SLC24A5: variants seen among roughly 807,000 people sequenced by gnomAD.
SLC24A5 encodes the protein sodium/potassium/calcium exchanger 5.
A neutral mutation model predicts 51.6 loss-of-function variants in SLC24A5; 46 were observed. That is an observed-to-expected ratio of 0.89 (90% CI 0.70 to 1.14). The LOEUF is 1.14. SLC24A5 is among the 50% of genes most tolerant of loss of function. The pLI is 0.00. For missense variants in SLC24A5, 581 were observed against 604.1 expected, an observed-to-expected ratio of 0.96 and a Z score of 0.40; for synonymous variants, 230 against 214.9, an observed-to-expected ratio of 1.07 and a Z score of -0.62.
intron 2 of SLC24A5, among the ~76,000 whole-genome samples, chr15:48,130,675 G>A (rs1414474501): frequency 6.6e-6 from 1 of 151,836 alleles, no homozygotes; most frequent in Non-Finnish European, 1.5e-5. Context: ...TTTTGATTTG[G>A]GAAGACAATT....
At position 48,139,052 on chromosome 15, in the gene SLC24A5, T is replaced by C; in HGVS notation, c.955T>C (p.Phe319Leu). The C allele has an allele frequency of 6.2e-7, 1 of 1,613,164 alleles. No individual in the cohort carries two copies. Among genetic ancestry groups the C allele is most frequent in the East Asian group, 2.2e-5 (1 of 44,766 alleles). ...VLSLPIITLL[F>L]LTTPDCRKKF... ...ATCCCTTCCTATTATTACATTACTT[T>C]TTCTAACCACACCAGATTGTAGAAA... Residue 319 changes from phenylalanine to leucine, a missense_variant, in exon 7 of 9, where the codon TTT (phenylalanine) becomes CTT (leucine). Physicochemically the swap from Phe to Leu is conservative, Grantham distance 22. Transcript: ENST00000341459.
rs2038859386 is a variant in SLC24A5 at position 48,134,933 on chromosome 15, C to T, written c.539C>T (p.Thr180Ile). ...CTATTCAGAGACTGTGCAGCGTACA[C>T]AATTAGTGCAGCAGCAGTTCTTGGT... ...WPLFRDCAAY[T>I]ISAAAVLGII... Residue 180 changes from threonine (T) to isoleucine (I), a missense_variant, in exon 5 of 9, where the codon ACA becomes ATA. Thr to Ile is a moderately conservative substitution (Grantham distance 89). Transcript: ENST00000341459. 1.2e-6 allele frequency: 2 copies of T among 1,612,510 alleles called. No individual in the cohort carries two copies. Among genetic ancestry groups the T allele is most frequent in the Middle Eastern group, 1.7e-4 (1 of 6,056 alleles).
intron 5 of SLC24A5, 78 bp from the exon 6 acceptor site, chr15:48,136,605 A>G: frequency 2.3e-6 from 3 of 1,320,778 alleles, no homozygotes; most frequent in Non-Finnish European, 3.1e-6. Context: ...AAAATCATTC[A>G]ATAGATACTG....
chr15:48,128,387 G>A (rs564285035), intron 2 of SLC24A5, among the ~76,000 whole-genome samples: 3 of 152,196 alleles, frequency 2.0e-5, no homozygotes, highest in African/African-American at 7.2e-5. Context: ...AGGTTTGGGG[G>A]AAATATACTT....
intron 6 of SLC24A5, chr15:48,137,703 C>T (rs2038936295): frequency 6.6e-6 from 1 of 151,980 alleles, no homozygotes; most frequent in Non-Finnish European, 1.5e-5. Flanking sequence ...GAAAAAGGAA[C>T]AAAGACACCT....
Position 48,142,150 on chromosome 15 carries a change from C to T in SLC24A5, c.1302C>T (p.Asn434=). 2.5e-6 allele frequency: 4 copies of T among 1,613,850 alleles called. No homozygotes were observed. The African/African-American group carries it at 4.0e-5, about 16-fold the overall frequency. The change falls in exon 9 of 9, where the codon AAC becomes AAT. Residue 434 remains asparagine (N), a synonymous_variant. Transcript: ENST00000341459. The stretch of plus-strand genomic sequence containing the variant: ...ATGGATCAGCTCCTGCAGAAGTAAA[C>T]AGCAGAGGACTAACTTACATAACCA... ...FINGSAPAEV[N]SRGLTYITIS... is the part of the protein sequence containing the mutation.
chr15:48,121,163 C>A lies in SLC24A5; in HGVS notation c.119C>A (p.Thr40Lys). ...TSLPQRLPRA[T>K]GNSTQCVISP... is the part of the protein sequence containing the mutation. ...CTGCCCCAACGTCTCCCAAGGGCCA[C>A]AGGTAGGTGGACATTGGGGTCAGTT... Residue 40 changes from threonine (T) to lysine (K), a missense_variant and splice_region_variant, in exon 1 of 9, where the codon ACA becomes AAA. Thr to Lys is a moderately conservative substitution (Grantham distance 78, BLOSUM62 -1). Transcript: ENST00000341459. 1 of 1,611,806 alleles carries A rather than the reference C, an allele frequency of 6.2e-7. No homozygotes were observed. Among genetic ancestry groups the A allele is most frequent in the South Asian group, 1.1e-5 (1 of 90,758 alleles).
chr15:48,131,134 C>G (rs879356531), intron 2 of SLC24A5, among the ~76,000 whole-genome samples: 1 of 151,968 alleles, frequency 6.6e-6, no homozygotes, highest in South Asian at 2.1e-4. Context: ...AAATGAAAAA[C>G]AGTTAATTAC....
Position 48,121,102 on chromosome 15 carries a change from T to G in SLC24A5, c.58T>G (p.Trp20Gly). 1 of 1,613,914 alleles carries G rather than the reference T, an allele frequency of 6.2e-7. No individual in the cohort carries two copies. The highest frequency in any genetic ancestry group is 2.2e-5 in the East Asian group (1 of 44,838). The change falls in exon 1 of 9, where the codon TGG becomes GGG. Residue 20 changes from tryptophan to glycine, a missense_variant. Trp to Gly is a radical substitution (Grantham distance 184). Coordinates refer to ENST00000341459, the MANE Select transcript of SLC24A5 (RefSeq NM_205850.3). ...ARRALLLGILWATAHLPLSGT... is the reference protein window; with the variant it reads ...ARRALLLGILGATAHLPLSGT... ...AAGGGCTCTGTTGCTCGGCATCCTG[T>G]GGGCCACTGCACATCTGCCTCTCTC...
chr15:48,121,829 C>G (rs1464881900), intron 1 of SLC24A5, 28 bp from the exon 2 acceptor site: 2 of 1,612,154 alleles, frequency 1.2e-6, no homozygotes, highest in South Asian at 2.2e-5. Flanking sequence ...CCAAACTCTT[C>G]AAACTTTCAC....
rs77953731 is a variant in SLC24A5 at position 48,128,022 on chromosome 15, C to G, written c.301+5986C>G. ...TTAAAAATATAATATAAACTATATT[C>G]ATTTAAAGACCAAATAGGACCAGTA... is the stretch of plus-strand genomic sequence containing the variant. On this transcript the variant is annotated intron_variant, in intron 2 of 8. Transcript: ENST00000341459. Among the ~76,000 whole-genome samples the G allele has an allele frequency of 1.5e-4, 23 of 151,442 alleles. No individual in the cohort carries two copies. The East Asian group carries it at 4.2e-3, about 28-fold the overall frequency.
In SLC24A5 at chr15:48,141,175, A is replaced by C. The variant is rs148832380; in HGVS notation, c.1141A>C (p.Ile381Leu). 3.3e-4 allele frequency: 526 copies of C among 1,613,888 alleles called. No individual in the cohort carries two copies. The highest frequency in any genetic ancestry group is 4.3e-4 in the Non-Finnish European group (507 of 1,179,886). Residue 381 changes from isoleucine to leucine, a missense_variant, in exon 8 of 9, where the codon ATA becomes CTA. Ile to Leu is a conservative substitution (Grantham distance 5). Transcript: ENST00000341459. The part of the protein sequence containing the change: ...GLTLLAAGTS[I>L]PDTIASVLVA... ...TACTTTATTAGCAGCAGGAACAAGC[A>C]TACCAGACACAATTGCAAGTGTGTT...
chr15:48,136,164 T>C (rs1182977265), intron 5 of SLC24A5: 1 of 152,150 alleles, frequency 6.6e-6, no homozygotes, highest in African/African-American at 2.4e-5. Context: ...AAATGCTCTG[T>C]ATGACAAACT....
intron 2 of SLC24A5, among the ~76,000 whole-genome samples, chr15:48,133,571 GT>G (rs1159896535): frequency 2.6e-5 from 4 of 152,086 alleles, no homozygotes; most frequent in African/African-American, 4.8e-5. Context: ...ATAGATCCAT[GT>G]TTTAAATCAA....
intron 2 of SLC24A5, chr15:48,124,204 A>G (rs2038708306): frequency 6.6e-6 from 1 of 152,012 alleles, no homozygotes; most frequent in African/African-American, 2.4e-5. Flanking sequence ...ATTTTTATCC[A>G]TAGGTCACAA....
intron 2 of SLC24A5, among the ~76,000 whole-genome samples, chr15:48,127,748 G>A (rs1425570342): frequency 2.6e-5 from 4 of 152,122 alleles, no homozygotes; most frequent in South Asian, 2.1e-4. Context: ...GCTTAAACCC[G>A]GGAGGCAGAG....
chr15:48,142,631 T>C lies in SLC24A5; in HGVS notation c.*280T>C. ...AAACTAGAACAAACAAATCCAACTATGTAGTACTGAAAACAACAAGAAAAT... is the reference window on the plus strand; with the variant it reads ...AAACTAGAACAAACAAATCCAACTACGTAGTACTGAAAACAACAAGAAAAT... On this transcript the variant is annotated 3_prime_UTR_variant, in exon 9 of 9. Transcript: ENST00000341459. The C allele has an allele frequency of 2.2e-6, 1 of 453,360 alleles. No individual in the cohort carries two copies. Among genetic ancestry groups the C allele is most frequent in the Non-Finnish European group, 3.8e-6 (1 of 260,982 alleles). The allele number at this position is 453,360 out of a possible 1,614,324, so 28.1% of individuals were successfully genotyped here.
chr15:48,141,004 C>A, intron 7 of SLC24A5, 109 bp from the exon 8 acceptor site: 1 of 832,460 alleles, frequency 1.2e-6, no homozygotes, highest in Non-Finnish European at 1.9e-6. Flanking sequence ...GCTCTGAATT[C>A]TAAATGTGCC....
chr15:48,139,145 T>C lies in SLC24A5; in HGVS notation c.1048T>C (p.Tyr350His), dbSNP rs771414512. The C allele has an allele frequency of 1.9e-6, 3 of 1,612,634 alleles. No homozygotes were observed. Among genetic ancestry groups the C allele is most frequent in the Admixed American group, 3.3e-5 (2 of 60,002 alleles). ...MSAIWISAFTYILVWMVTITG... is the reference protein window; with the variant it reads ...MSAIWISAFTHILVWMVTITG... ...TGCAATATGGATATCCGCATTTACA[T>C]ATATCCTGGTTTGGATGGTCACAAT... is the stretch of plus-strand genomic sequence containing the variant. Residue 350 changes from tyrosine to histidine, a missense_variant, in exon 7 of 9, where the codon TAT becomes CAT. Physicochemically the swap from Tyr to His is moderately conservative, Grantham distance 83. Transcript: ENST00000341459.
Sources: gnomAD v4.1 joint callset for allele counts (sites outside exome capture counted in the v4.1 genomes callset) on GRCh38, gnomAD v4.1.1 for gene constraint, MANE v1.5 for transcripts, NCBI Gene and HGNC (gene_info 2026-07-23, HGNC 2026-07-21) for gene names.